CACNA1C: variants seen among roughly 807,000 people sequenced by gnomAD.
The protein encoded by CACNA1C is calcium voltage-gated channel subunit alpha1 C, also known as voltage-dependent L-type calcium channel subunit alpha-1C.
A neutral mutation model predicts 229.0 loss-of-function variants in CACNA1C; 30 were observed. That is an observed-to-expected ratio of 0.13 (90% CI 0.10 to 0.18). CACNA1C has a LOEUF of 0.18. Among genes scored for constraint, CACNA1C ranks in the 10% least tolerant of loss-of-function variants. The pLI, the probability that CACNA1C is intolerant of heterozygous loss-of-function variation, is 1.00. For synonymous variants in CACNA1C, 1,114 were observed against 1,132.5 expected, an observed-to-expected ratio of 0.98 and a Z score of 0.33; for missense variants, 1,658 against 2,845.0, an observed-to-expected ratio of 0.58 and a Z score of 9.49.
intron 3 of CACNA1C, among the ~76,000 whole-genome samples, chr12:2,432,483 G>C (rs116276987): frequency 0.011 from 1,626 of 152,236 alleles, 39 homozygotes; most frequent in African/African-American, 0.038. Flanking sequence ...ATTTTCTGGG[G>C]TTCAGCTTCT....
At chr12:2,163,139 C>A (rs889121478) in intron 3 of CACNA1C, among the ~76,000 whole-genome samples, 4 of 147,658 alleles carry the variant, frequency 2.7e-5, no homozygotes, top group African/African-American at 7.5e-5. Context: ...CAGGGGCTAC[C>A]GTGAGCCGAG....
At chr12:2,307,688 C>T (rs1293837053) in intron 3 of CACNA1C, among the ~76,000 whole-genome samples, 8 of 152,162 alleles carry the variant, frequency 5.3e-5, no homozygotes, top group Admixed American at 3.3e-4. Context: ...GCTGCTGAAC[C>T]TGGAGCACTG....
At chr12:2,255,180 A>T (rs1394893530) in intron 3 of CACNA1C, among the ~76,000 whole-genome samples, 2 of 151,534 alleles carry the variant, frequency 1.3e-5, no homozygotes, top group Non-Finnish European at 2.9e-5. Flanking sequence ...CAAAATATGG[A>T]TACAGACCCG....
chr12:2,115,073 C>G (rs1157777477), intron 1 of CACNA1C, 151 bp from the exon 2 acceptor site: 4 of 645,272 alleles, frequency 6.2e-6, no homozygotes, highest in Non-Finnish European at 7.9e-6. Flanking sequence ...CTCAGCATCT[C>G]ACACTCATGT....
chr12:2,594,220 C>G (rs755114131), intron 19 of CACNA1C, among the ~76,000 whole-genome samples: 1 of 152,150 alleles, frequency 6.6e-6, no homozygotes, highest in East Asian at 1.9e-4. Context: ...CTTCCTAAGC[C>G]TATGTATTTA....
intron 31 of CACNA1C, among the ~76,000 whole-genome samples, chr12:2,650,021 C>T (rs2094774963): frequency 6.6e-6 from 1 of 152,208 alleles, no homozygotes; most frequent in Non-Finnish European, 1.5e-5. Flanking sequence ...GCCTGCAGCT[C>T]TTGACCCAGC....
intron 3 of CACNA1C, among the ~76,000 whole-genome samples, chr12:2,446,235 G>GGATGGA (rs1365920368): frequency 1.8e-4 from 18 of 101,318 alleles, no homozygotes; most frequent in Non-Finnish European, 3.5e-4. Context: ...GGATGGATGG[G>GGATGGA]TAGGTGGGTG....
intron 3 of CACNA1C, among the ~76,000 whole-genome samples, chr12:2,233,464 A>G (rs1014819529): frequency 1.3e-5 from 2 of 152,182 alleles, no homozygotes; most frequent in Non-Finnish European, 2.9e-5. Context: ...TCTAGGAGAC[A>G]TTACTCCTTT....
intron 9 of CACNA1C, among the ~76,000 whole-genome samples, chr12:2,516,603 G>GTCAGA (rs1420461023): frequency 5.3e-5 from 8 of 152,136 alleles, no homozygotes; most frequent in Non-Finnish European, 1.2e-4. Context: ...TTGCAGACGC[G>GTCAGA]TCAGATATGG....
chr12:2,637,537 C>T (rs2092941711), intron 30 of CACNA1C, among the ~76,000 whole-genome samples: 1 of 152,244 alleles, frequency 6.6e-6, no homozygotes, highest in South Asian at 2.1e-4. Flanking sequence ...CCTTGAGGGG[C>T]CTGCTCTGAA....
intron 26 of CACNA1C, chr12:2,607,399 T>G: frequency 2.5e-6 from 1 of 401,024 alleles, no homozygotes; most frequent in Non-Finnish European, 4.5e-6. Flanking sequence ...TGAGCCACGA[T>G]GTCAGAGATC....
intron 1 of CACNA1C, among the ~76,000 whole-genome samples, chr12:2,028,092 TAA>T (rs1275244027): frequency 1.3e-5 from 2 of 152,262 alleles, no homozygotes; most frequent in Non-Finnish European, 2.9e-5. Context: ...CAGAATATTA[TAA>T]GTTTTCCCAC....
intron 3 of CACNA1C, among the ~76,000 whole-genome samples, chr12:2,398,804 G>A (rs923728779): frequency 1.3e-5 from 2 of 152,142 alleles, no homozygotes. Context: ...ACTTGCAGAG[G>A]AACAAGGAAG....
At chr12:2,362,263 A>G (rs958022268) in intron 3 of CACNA1C, among the ~76,000 whole-genome samples, 9 of 152,122 alleles carry the variant, frequency 5.9e-5, no homozygotes, top group African/African-American at 2.2e-4. Context: ...CCAGGTATGC[A>G]GCCTGTGTGT....
chr12:2,677,659 C>A lies in CACNA1C; in HGVS notation c.4957-74C>A. 1 of 1,534,364 alleles carries A rather than the reference C, an allele frequency of 6.5e-7. No individual in the cohort carries two copies. Among genetic ancestry groups the A allele is most frequent in the South Asian group, 1.2e-5 (1 of 83,324 alleles). The stretch of plus-strand genomic sequence containing the variant: ...AGGGCCCTGGAGGGACAGGTCTTGG[C>A]CCGAGGCTGTGGCTGGCTGGGGAGC... On this transcript the variant is annotated intron_variant, in intron 40 of 46. Transcript: ENST00000399655. This position sits in a 1 kb window ranked among gnomAD's most constrained non-coding sequence, Gnocchi z 7.4.
At position 2,369,309 on chromosome 12, in the gene CACNA1C, C is replaced by CTA. The variant is rs560228077; in HGVS notation, c.478-79663_478-79662dup. On this transcript the variant is annotated intron_variant, in intron 3 of 46. Coordinates refer to ENST00000399655, the MANE Select transcript of CACNA1C (RefSeq NM_000719.7). ...TGCATCTGTGGCTCATGAGAACCTA[C>CTA]TATATGGTAAAGGAAGCAAAGAAGT... 6.3e-3 allele frequency among the ~76,000 whole-genome samples: 960 copies of CTA among 151,992 alleles called. 6 individuals carry two copies. Among genetic ancestry groups the CTA allele is most frequent in the African/African-American group, 0.022 (916 of 41,456 alleles).
intron 7 of CACNA1C, among the ~76,000 whole-genome samples, chr12:2,503,549 G>T (rs914188395): frequency 4.6e-5 from 7 of 152,168 alleles, no homozygotes; most frequent in African/African-American, 1.7e-4. Flanking sequence ...AGGGTCAGCG[G>T]GTACAGGGGG....
In CACNA1C at chr12:2,607,039, C is replaced by T. The variant is rs2075701336; in HGVS notation, c.3265C>T (p.Arg1089Cys). 1 of 1,613,994 alleles carries T rather than the reference C, an allele frequency of 6.2e-7. No homozygotes were observed. The highest frequency in any genetic ancestry group is 1.6e-4 in the Middle Eastern group (1 of 6,062). Residue 1089 changes from arginine to cysteine, a missense_variant, in exon 26 of 47, where the codon CGC becomes TGC. Arg to Cys is a radical substitution (Grantham distance 180). Coordinates refer to ENST00000399655, the MANE Select transcript of CACNA1C (RefSeq NM_000719.7). ...GEVDHPIIQP[R>C]SWENSKFDFD... The stretch of plus-strand genomic sequence containing the variant: ...GGTTGACCACCCCATCATCCAACCC[C>T]GCAGCTGGGAGAACAGCAAGTTTGA...
chr12:2,642,373 G>T (rs2093812743), intron 30 of CACNA1C, among the ~76,000 whole-genome samples: 1 of 152,018 alleles, frequency 6.6e-6, no homozygotes, highest in Non-Finnish European at 1.5e-5. Flanking sequence ...ACCTTTTGTT[G>T]TGGCCAGACA....
Sources: allele counts gnomAD v4.1 joint callset (sites outside exome capture counted in the v4.1 genomes callset), GRCh38; gene constraint gnomAD v4.1.1; non-coding constraint Gnocchi (gnomAD v3.1); transcripts MANE v1.5; gene names NCBI Gene and HGNC (gene_info 2026-07-23, HGNC 2026-07-21).